The following GPR63 variants were observed in gnomAD, a reference collection of about 807,000 sequenced individuals.
The protein encoded by GPR63 is G protein-coupled receptor 63.
GPR63 carries 12 observed loss-of-function variants against 23.1 expected under a neutral mutation model. The ratio of observed to expected loss-of-function variants is 0.52; its 90% CI spans 0.33 to 0.84. GPR63 has a LOEUF of 0.84. Ranked by LOEUF, GPR63 falls within the 40% of genes least tolerant of loss-of-function variation. GPR63 has a pLI of 0.02. For missense variants in GPR63, 472 were observed against 515.6 expected (o/e 0.92, Z 0.82); for synonymous variants, 172 against 191.1 (o/e 0.90, Z 0.82).
At chr6:96,813,205 C>T (rs1774085820) in intron 1 of GPR63, among the ~76,000 whole-genome samples, 1 of 152,154 alleles carries the variant, frequency 6.6e-6, no homozygotes, top group Admixed American at 6.5e-5. Context: ...TAGAACTCCA[C>T]TGTGTACATA....
chr6:96,815,381 T>C (rs1774139095), intron 1 of GPR63, among the ~76,000 whole-genome samples: 1 of 152,156 alleles, frequency 6.6e-6, no homozygotes, highest in South Asian at 2.1e-4. Context: ...GTCAAACTCA[T>C]AGAAGCAGAG....
intron 1 of GPR63, among the ~76,000 whole-genome samples, chr6:96,804,171 G>C (rs1221678433): frequency 1.3e-5 from 2 of 152,114 alleles, no homozygotes; most frequent in African/African-American, 4.8e-5. Flanking sequence ...TCAGTGGCTA[G>C]AATGGTCAGT....
chr6:96,826,277 G>A (rs1051420026), intron 1 of GPR63, among the ~76,000 whole-genome samples: 1 of 152,086 alleles, frequency 6.6e-6, no homozygotes, highest in African/African-American at 2.4e-5. Context: ...CCAGCTGGAA[G>A]ATGAAACCAA....
At chr6:96,825,864 G>A (rs1261994203) in intron 1 of GPR63, among the ~76,000 whole-genome samples, 1 of 151,698 alleles carries the variant, frequency 6.6e-6, no homozygotes, top group East Asian at 1.9e-4. Context: ...CAGCAACTGA[G>A]TATTGAGAGA....
intron 1 of GPR63, among the ~76,000 whole-genome samples, chr6:96,802,532 T>A (rs962813358): frequency 5.6e-5 from 8 of 142,656 alleles, no homozygotes; most frequent in Non-Finnish European, 1.1e-4. Context: ...GATAAAAAAT[T>A]TTTTCTAATT....
chr6:96,835,304 CA>C (rs1254391577), intron 1 of GPR63, among the ~76,000 whole-genome samples: 2 of 151,950 alleles, frequency 1.3e-5, no homozygotes, highest in African/African-American at 4.8e-5. Flanking sequence ...AAATGGTTTT[CA>C]TGTTTTTTAT....
chr6:96,809,058 T>C (rs1302027455), intron 1 of GPR63, among the ~76,000 whole-genome samples: 1 of 151,952 alleles, frequency 6.6e-6, no homozygotes, highest in Non-Finnish European at 1.5e-5. Context: ...CTTTCCTTTT[T>C]CTCTTCCTTT....
At chr6:96,827,419 G>A (rs1774471178) in intron 1 of GPR63, among the ~76,000 whole-genome samples, 2 of 152,112 alleles carry the variant, frequency 1.3e-5, no homozygotes, top group Admixed American at 6.5e-5. Context: ...ACCAGACATG[G>A]AATTGGAGTT....
intron 1 of GPR63, among the ~76,000 whole-genome samples, chr6:96,832,783 TA>T (rs1389441344): frequency 7.0e-6 from 1 of 142,314 alleles, no homozygotes; most frequent in Non-Finnish European, 1.5e-5. Context: ...CCCCTGAACT[TA>T]AATACAAGTT....
At chr6:96,821,148 T>C (rs1178495741) in intron 1 of GPR63, among the ~76,000 whole-genome samples, 1 of 152,206 alleles carries the variant, frequency 6.6e-6, no homozygotes, top group Non-Finnish European at 1.5e-5. Flanking sequence ...GAGATGATCA[T>C]AGTGCAGTTT....
chr6:96,797,720 T>C lies in GPR63; in HGVS notation c.*752A>G, dbSNP rs1001516279. On this transcript the variant is annotated 3_prime_UTR_variant, in exon 2 of 2. Coordinates refer to ENST00000229955, the MANE Select transcript of GPR63 (RefSeq NM_030784.4). ...CATCCCCCTCACTACATTCACCTTT[T>C]AAATTTGCAAGGATCCTGTCTCCTA... 1 of 152,262 alleles carries C rather than the reference T, an allele frequency of 6.6e-6. No homozygotes were observed. The highest frequency in any genetic ancestry group is 2.4e-5 in the African/African-American group (1 of 41,448). The allele number at this position is 152,262 out of a possible 1,614,324, so 9.4% of individuals were successfully genotyped here.
In GPR63 at chr6:96,799,472, A is replaced by G. The variant is rs1211336148; in HGVS notation, c.260T>C (p.Ile87Thr). The G allele has an allele frequency of 6.2e-7, 1 of 1,614,198 alleles. No individual in the cohort carries two copies. The highest frequency in any genetic ancestry group is 1.7e-5 in the Admixed American group (1 of 60,024). ...AGACACAAACAGAATGAATATCATT[A>G]TAGCAGAAAGGGTGATCTGAAGAGG... ...NLPLQITLSA[I>T]MIFILFVSFL... Residue 87 changes from isoleucine (I) to threonine (T), a missense_variant, in exon 2 of 2, where the codon ATA (isoleucine) becomes ACA (threonine). By Grantham distance (89) the Ile-to-Thr change is moderately conservative. Transcript: ENST00000229955.
intron 1 of GPR63, among the ~76,000 whole-genome samples, chr6:96,802,262 C>T (rs2127944518): frequency 6.6e-6 from 1 of 152,184 alleles, no homozygotes; most frequent in Middle Eastern, 3.4e-3. Flanking sequence ...TATCTTTCTA[C>T]CATAAAAGCT....
In GPR63 at chr6:96,798,937, T is replaced by A. The variant is rs1230608676; in HGVS notation, c.795A>T (p.Ile265=). The stretch of plus-strand genomic sequence containing the variant: ...AGGCATTGTGCCGAAGGGTGTTGAG[T>A]ATGCCCATAAATGAGTACAGTATTA... ...FLVILYSFMG[I]LNTLRHNALR... Residue 265 remains isoleucine, a synonymous_variant, in exon 2 of 2, where the codon ATA becomes ATT. Transcript: ENST00000229955. The A allele has an allele frequency of 6.2e-7, 1 of 1,613,938 alleles. No homozygotes were observed. The highest frequency in any genetic ancestry group is 8.5e-7 in the Non-Finnish European group (1 of 1,180,034).
chr6:96,821,345 T>C (rs1774308520), intron 1 of GPR63, among the ~76,000 whole-genome samples: 1 of 152,234 alleles, frequency 6.6e-6, no homozygotes, highest in Admixed American at 6.5e-5. Flanking sequence ...TATTTTTCCA[T>C]ACCTCACCTC....
In GPR63 at chr6:96,796,812, C is replaced by G. The variant is rs760166791; in HGVS notation, c.*1660G>C. 2 of 151,840 alleles carry G rather than the reference C, an allele frequency of 1.3e-5. No individual in the cohort carries two copies. Among genetic ancestry groups the G allele is most frequent in the African/African-American group, 2.4e-5 (1 of 41,230 alleles). The allele number at this position is 151,840 out of a possible 1,614,324, so 9.4% of individuals were successfully genotyped here. On this transcript the variant is annotated 3_prime_UTR_variant, in exon 2 of 2. Transcript: ENST00000229955. Reference sequence around the variant, plus strand: ...CTACACATAGCTATCTTTAATTTCTCAATAATTGTCAGTCACTTGTTTTGC... The same window carrying G: ...CTACACATAGCTATCTTTAATTTCTGAATAATTGTCAGTCACTTGTTTTGC...
chr6:96,833,074 A>G lies in GPR63; in HGVS notation c.-151+4194T>C, dbSNP rs567441683. Among the ~76,000 whole-genome samples the G allele has an allele frequency of 6.6e-5, 10 of 152,336 alleles. No individual in the cohort carries two copies. In the East Asian group the frequency reaches 1.9e-3, roughly 29 times the overall value. On this transcript the variant is annotated intron_variant, in intron 1 of 1. Coordinates refer to ENST00000229955, the MANE Select transcript of GPR63 (RefSeq NM_030784.4). ...TAGACAGTGTGAAACTTTAGAAGGT[A>G]TCGTGGTTTATGCAGGGTTAATCAA...
intron 1 of GPR63, among the ~76,000 whole-genome samples, chr6:96,810,007 A>G (rs1562118140): frequency 6.6e-6 from 1 of 152,176 alleles, no homozygotes; most frequent in Non-Finnish European, 1.5e-5. Flanking sequence ...ATTATAGCCT[A>G]TTGGTGGGAG....
intron 1 of GPR63, among the ~76,000 whole-genome samples, chr6:96,816,458 A>T (rs371807176): frequency 6.6e-6 from 1 of 152,226 alleles, no homozygotes; most frequent in East Asian, 1.9e-4. Context: ...GCAGACCAAC[A>T]CTCCCACCAA....
Sources: gnomAD v4.1 joint callset for allele counts (sites outside exome capture counted in the v4.1 genomes callset) on GRCh38, gnomAD v4.1.1 for gene constraint, MANE v1.5 for transcripts, NCBI Gene and HGNC (gene_info 2026-07-23, HGNC 2026-07-21) for gene names.